The following PCDHGA7 variants were observed in gnomAD, a reference collection of about 807,000 sequenced individuals.
The protein encoded by PCDHGA7 is protocadherin gamma-A7.
PCDHGA7 carries 44 observed loss-of-function variants against 58.3 expected under a neutral mutation model. That is an observed-to-expected ratio of 0.75 (90% CI 0.59 to 0.97). The LOEUF (loss-of-function observed/expected upper bound fraction) is 0.97. Among genes scored for constraint, PCDHGA7 ranks in the 50% least tolerant of loss-of-function variants. The pLI is 0.00. For synonymous variants in PCDHGA7, 516 were observed against 504.2 expected (o/e 1.02, Z -0.31); for missense variants, 1,266 against 1,188.7 (o/e 1.06, Z -0.96).
Position 141,400,401 on chromosome 5 carries a change from G to A in PCDHGA7, c.2424+15078G>A, listed in dbSNP as rs760681088. 4 of 1,613,936 alleles carry A rather than the reference G, an allele frequency of 2.5e-6. No homozygotes were observed. The South Asian group carries it at 4.4e-5, about 18-fold the overall frequency. ...TATGTGTTGCACATACAGGAAAGAC[G>A]GAGTTTAATTTCCTAAAATGTAGTG... On this transcript the variant is annotated intron_variant, in intron 1 of 3. Transcript: ENST00000518325.
At chr5:141,392,816 G>C (rs1442012424) in intron 1 of PCDHGA7, 3 of 1,587,594 alleles carry the variant, frequency 1.9e-6, no homozygotes, top group Admixed American at 3.6e-5. Context: ...AAACAACAAT[G>C]GCCGCTCCAC....
chr5:141,433,592 T>C (rs1043652093), intron 1 of PCDHGA7, among the ~76,000 whole-genome samples: 5 of 152,020 alleles, frequency 3.3e-5, no homozygotes, highest in Non-Finnish European at 7.4e-5. Context: ...TCCCAGTACT[T>C]TGGGAGGCCG....
At position 141,511,424 on chromosome 5, in the gene PCDHGA7, G is replaced by A. The variant is rs939906846; in HGVS notation, c.*251G>A. 10 of 810,392 alleles carry A rather than the reference G, an allele frequency of 1.2e-5. No homozygotes were observed. Among genetic ancestry groups the A allele is most frequent in the East Asian group, 3.0e-5 (1 of 33,800 alleles). The allele number at this position is 810,392 out of a possible 1,614,324, so 50.2% of individuals were successfully genotyped here. On this transcript the variant is annotated 3_prime_UTR_variant, in exon 4 of 4. Transcript: ENST00000518325. The stretch of plus-strand genomic sequence containing the variant: ...ATCAACTGCTGTACCCATGGGGGTA[G>A]TGGGGTTACTGTAGACACCAAGAAC...
chr5:141,490,106 T>C lies in PCDHGA7; in HGVS notation c.2425-4701T>C, dbSNP rs1314489019. On this transcript the variant is annotated intron_variant, in intron 1 of 3. Coordinates refer to ENST00000518325, the MANE Select transcript of PCDHGA7 (RefSeq NM_018920.4). The surrounding 1 kb of genome is among the most constrained non-coding windows in gnomAD (Gnocchi z 5.4). ...TTTGGAGACCACACATCTGAGGCAG[T>C]GCGGAACCTCTTTGGCCTAGACCCT... 2.5e-6 allele frequency: 4 copies of C among 1,614,246 alleles called. No homozygotes were observed. Among genetic ancestry groups the C allele is most frequent in the South Asian group, 1.1e-5 (1 of 91,086 alleles).
In PCDHGA7 at chr5:141,486,341, C is replaced by T; in HGVS notation, c.2425-8466C>T. On this transcript the variant is annotated intron_variant, in intron 1 of 3. Coordinates refer to ENST00000518325, the MANE Select transcript of PCDHGA7 (RefSeq NM_018920.4). The surrounding 1 kb of genome is among the most constrained non-coding windows in gnomAD (Gnocchi z 5.0). ...AAACGGAGATGTGAGCCTCCGCATTCCTGACCACTTGCCATTTGCCCTCAA... is the reference window on the plus strand; with the variant it reads ...AAACGGAGATGTGAGCCTCCGCATTTCTGACCACTTGCCATTTGCCCTCAA... The T allele has an allele frequency of 6.2e-7, 1 of 1,614,128 alleles. No individual in the cohort carries two copies. Among genetic ancestry groups the T allele is most frequent in the Non-Finnish European group, 8.5e-7 (1 of 1,179,992 alleles).
rs1187424114 is a variant in PCDHGA7, at chr5:141,485,341, G to A, written c.2425-9466G>A. On this transcript the variant is annotated intron_variant, in intron 1 of 3. Transcript: ENST00000518325. The surrounding 1 kb of genome is among the most constrained non-coding windows in gnomAD (Gnocchi z 5.7). ...TCGCTCAAGATTTCCTGCTGGATAC[G>A]GACAGTCTGTCAGCTCGCAGGCTGC... 2 of 1,614,118 alleles carry A rather than the reference G, an allele frequency of 1.2e-6. No individual in the cohort carries two copies. The highest frequency in any genetic ancestry group is 1.7e-5 in the Admixed American group (1 of 60,018).
chr5:141,478,293 T>C (rs2099444312), intron 1 of PCDHGA7: 2 of 1,614,026 alleles, frequency 1.2e-6, no homozygotes. Context: ...TCTAGAGACC[T>C]ATACCGAGCC....
At chr5:141,455,860 ATTATTTATTTATTTATTTATTTAT>A (rs145569377) in intron 1 of PCDHGA7, among the ~76,000 whole-genome samples, 10 of 139,848 alleles carry the variant, frequency 7.2e-5, no homozygotes, top group Admixed American at 5.1e-4. Flanking sequence ...AATTTCTTTT[ATTATTTATTTATTTATTTATTTAT>A]TTATTTATTT....
rs1289702805 is a variant in PCDHGA7 at position 141,383,058 on chromosome 5, G to A, written c.159G>A (p.Gly53=). The A allele has an allele frequency of 6.2e-7, 1 of 1,613,912 alleles. No homozygotes were observed. The highest frequency in any genetic ancestry group is 2.2e-5 in the East Asian group (1 of 44,878). Residue 53 remains glycine (G), a synonymous_variant, in exon 1 of 4, where the codon GGG becomes GGA. Coordinates refer to ENST00000518325, the MANE Select transcript of PCDHGA7 (RefSeq NM_018920.4). ...TGGGAGACATCGCCAAGGACCTGGG[G>A]CTGGAGCCCCGGGAGCTGGCGGAGC... ...SFVGDIAKDL[G]LEPRELAERG... is the part of the protein sequence containing the mutation.
intron 1 of PCDHGA7, chr5:141,413,192 A>G: frequency 1.2e-6 from 2 of 1,607,816 alleles, no homozygotes; most frequent in South Asian, 2.2e-5. Context: ...GCTCAAAGGA[A>G]TCGCTCAAAG....
At chr5:141,417,851 G>A (rs1196210157) in intron 1 of PCDHGA7, 1 of 1,543,512 alleles carries the variant, frequency 6.5e-7, no homozygotes, top group Non-Finnish European at 8.8e-7. Flanking sequence ...GCGAGAACCC[G>A]AGCGAACGAT....
At chr5:141,450,653 A>AT (rs2098689237) in intron 1 of PCDHGA7, among the ~76,000 whole-genome samples, 1 of 151,192 alleles carries the variant, frequency 6.6e-6, no homozygotes, top group Non-Finnish European at 1.5e-5. Context: ...TGCCTGGCTA[A>AT]TTTTTGTACT....
chr5:141,476,509 C>G lies in PCDHGA7; in HGVS notation c.2425-18298C>G. 6.2e-7 allele frequency: 1 copy of G among 1,614,144 alleles called. No individual in the cohort carries two copies. Among genetic ancestry groups the G allele is most frequent in the Non-Finnish European group, 8.5e-7 (1 of 1,180,022 alleles). ...TGGTGATCCAGGACATCAACGACAACAATCCTGCTTTCCCTACCCAGGAAA... is the reference window on the plus strand; with the variant it reads ...TGGTGATCCAGGACATCAACGACAAGAATCCTGCTTTCCCTACCCAGGAAA... On this transcript the variant is annotated intron_variant, in intron 1 of 3. Transcript: ENST00000518325. This position sits in a 1 kb window ranked among gnomAD's most constrained non-coding sequence, Gnocchi z 7.6.
chr5:141,389,274 C>A, intron 1 of PCDHGA7: 1 of 1,614,032 alleles, frequency 6.2e-7, no homozygotes, highest in Non-Finnish European at 8.5e-7. Flanking sequence ...CGAGAACAAC[C>A]CGCCTGGAGC....
intron 1 of PCDHGA7, chr5:141,388,825 C>G: frequency 6.2e-7 from 1 of 1,613,910 alleles, no homozygotes; most frequent in Non-Finnish European, 8.5e-7. Flanking sequence ...AAAGAATATT[C>G]CATAGTTTTG....
chr5:141,425,394 G>C (rs186813737), intron 1 of PCDHGA7, among the ~76,000 whole-genome samples: 2 of 152,184 alleles, frequency 1.3e-5, no homozygotes, highest in Non-Finnish European at 2.9e-5. Context: ...TAGTGATAAA[G>C]TTCTGTTAAG....
At chr5:141,415,753 T>TG in intron 1 of PCDHGA7, 2 of 1,381,386 alleles carry the variant, frequency 1.4e-6, no homozygotes, top group Non-Finnish European at 1.9e-6. Context: ...TTTTTTTTTT[T>TG]TTTTTTTTTT....
chr5:141,394,972 A>G (rs766374618), intron 1 of PCDHGA7: 1 of 1,613,902 alleles, frequency 6.2e-7, no homozygotes, highest in Non-Finnish European at 8.5e-7. Context: ...AGGCGCTGGC[A>G]CAAGTCACGC....
chr5:141,494,729 C>T (rs2099756368), intron 1 of PCDHGA7, 78 bp from the exon 2 acceptor site: 31 of 1,610,050 alleles, frequency 1.9e-5, no homozygotes, highest in Admixed American at 3.3e-5. Flanking sequence ...CCTTCTCTCC[C>T]GGCCCATCCC....
Sources: gnomAD v4.1 joint callset for allele counts (sites outside exome capture counted in the v4.1 genomes callset) on GRCh38, gnomAD v4.1.1 for gene constraint, Gnocchi (gnomAD v3.1) non-coding constraint, MANE v1.5 for transcripts, NCBI Gene and HGNC (gene_info 2026-07-23, HGNC 2026-07-21) for gene names.